DPP6: variants seen among roughly 807,000 people sequenced by gnomAD.
DPP6 encodes the protein A-type potassium channel modulatory protein DPP6.
Under a neutral mutation model 122.6 loss-of-function variants are expected in DPP6, and 69 were observed. That is an observed-to-expected ratio of 0.56 (90% confidence interval 0.46 to 0.69). The LOEUF is 0.69. DPP6 is among the 30% of genes least tolerant of loss of function. The pLI is 0.00. For synonymous variants in DPP6, 418 were observed against 433.1 expected, an observed-to-expected ratio of 0.97 and a Z score of 0.43; for missense variants, 928 against 1,116.9, an observed-to-expected ratio of 0.83 and a Z score of 2.41.
chr7:153,872,146 T>G, the DPP6 span, among the ~76,000 whole-genome samples: 1 of 152,230 alleles, frequency 6.6e-6, no homozygotes, highest in Non-Finnish European at 1.5e-5. Flanking sequence ...AGCAGTTTTT[T>G]TCCCAAGTGT....
At chr7:153,999,675 T>G (rs1185897845) in intron 1 of DPP6, among the ~76,000 whole-genome samples, 1 of 152,168 alleles carries the variant, frequency 6.6e-6, no homozygotes, top group Non-Finnish European at 1.5e-5. Context: ...TAAAAGAAAC[T>G]TGGCAGTGGG....
chr7:154,623,465 A>G (rs1834828044), intron 5 of DPP6, among the ~76,000 whole-genome samples: 1 of 152,198 alleles, frequency 6.6e-6, no homozygotes, highest in Non-Finnish European at 1.5e-5. Context: ...AAGACCTTGA[A>G]TATGATACTT....
intron 1 of DPP6, among the ~76,000 whole-genome samples, chr7:154,060,316 C>T (rs529895880): frequency 7.9e-6 from 1 of 126,100 alleles, no homozygotes; most frequent in East Asian, 2.3e-4. Context: ...GCTCTTAGGA[C>T]CCCCATCGCA....
At chr7:153,770,274 A>C in the DPP6 span, among the ~76,000 whole-genome samples, 5 of 152,208 alleles carry the variant, frequency 3.3e-5, no homozygotes, top group Admixed American at 3.3e-4. Context: ...ATCAGCAGTA[A>C]TATATTCTAG....
intron 1 of DPP6, among the ~76,000 whole-genome samples, chr7:153,997,342 A>G (rs1408321739): frequency 6.6e-6 from 1 of 152,158 alleles, no homozygotes; most frequent in Non-Finnish European, 1.5e-5. Flanking sequence ...CAAGCTGGGA[A>G]CCTTGTTACG....
At chr7:154,390,538 G>A (rs1266810459) in intron 1 of DPP6, among the ~76,000 whole-genome samples, 1 of 152,186 alleles carries the variant, frequency 6.6e-6, no homozygotes, top group Non-Finnish European at 1.5e-5. Flanking sequence ...GTTTTAAATA[G>A]ATGTCTCTGT....
the DPP6 span, among the ~76,000 whole-genome samples, chr7:153,858,787 G>A: frequency 6.6e-6 from 1 of 152,142 alleles, no homozygotes; most frequent in Non-Finnish European, 1.5e-5. Flanking sequence ...AGGAGCTACT[G>A]AATGTAAGGG....
chr7:153,898,472 G>T (rs1337461351), intron 1 of DPP6, among the ~76,000 whole-genome samples: 1 of 152,072 alleles, frequency 6.6e-6, no homozygotes, highest in Non-Finnish European at 1.5e-5. Context: ...ATAATAATTA[G>T]AAGAGAAGAT....
In DPP6 at chr7:154,760,700, G is replaced by A. The variant is rs1055854604; in HGVS notation, c.884-8717G>A. 3.9e-5 allele frequency among the ~76,000 whole-genome samples: 6 copies of A among 152,124 alleles called. No homozygotes were observed. The highest frequency in any genetic ancestry group is 1.4e-4 in the African/African-American group (6 of 41,410). ...ACCTGTTTGAGCGTGAGGCAGGTGA[G>A]CAGAAGACATCAGGCCCAGAAGTTC... On this transcript the variant is annotated intron_variant, in intron 8 of 25. Transcript: ENST00000377770. The surrounding 1 kb of genome is among the most constrained non-coding windows in gnomAD (Gnocchi z 4.5).
intron 7 of DPP6, among the ~76,000 whole-genome samples, chr7:154,716,138 G>A (rs771075327): frequency 1.3e-5 from 2 of 151,978 alleles, no homozygotes; most frequent in Non-Finnish European, 2.9e-5. Context: ...CCAGACTTCT[G>A]CCTCCCATCT....
At chr7:154,847,943 T>G (rs1181988433) in intron 16 of DPP6, among the ~76,000 whole-genome samples, 1 of 152,248 alleles carries the variant, frequency 6.6e-6, no homozygotes, top group Admixed American at 6.5e-5. Context: ...TATGCCTGGC[T>G]TATTTCACTT....
At chr7:154,423,936 G>A (rs1817686006) in intron 1 of DPP6, among the ~76,000 whole-genome samples, 1 of 152,200 alleles carries the variant, frequency 6.6e-6, no homozygotes, top group Non-Finnish European at 1.5e-5. Context: ...TACTGCCATA[G>A]ACTCTATAAA....
At chr7:153,928,703 C>T (rs1373961257) in intron 1 of DPP6, among the ~76,000 whole-genome samples, 1 of 152,072 alleles carries the variant, frequency 6.6e-6, no homozygotes, top group Non-Finnish European at 1.5e-5. Flanking sequence ...CTTTTAATAC[C>T]ATCACGTTGG....
At chr7:154,099,820 TG>T (rs1805605774) in intron 1 of DPP6, among the ~76,000 whole-genome samples, 1 of 131,866 alleles carries the variant, frequency 7.6e-6, no homozygotes, top group Admixed American at 7.7e-5. Context: ...CTGGGATGAA[TG>T]GTTGTTGGTG....
At chr7:154,158,721 A>G (rs2150702867) in intron 1 of DPP6, among the ~76,000 whole-genome samples, 1 of 152,150 alleles carries the variant, frequency 6.6e-6, no homozygotes, top group Admixed American at 6.5e-5. Context: ...GAGCTTGTCC[A>G]CTAGCAGGTG....
intron 1 of DPP6, among the ~76,000 whole-genome samples, chr7:154,065,472 C>G (rs2073667170): frequency 6.6e-6 from 1 of 151,624 alleles, no homozygotes; most frequent in African/African-American, 2.4e-5. Flanking sequence ...ACAGGAAGGG[C>G]CCAAGGAAAA....
intron 1 of DPP6, among the ~76,000 whole-genome samples, chr7:154,060,648 C>T (rs1403758535): frequency 7.2e-6 from 1 of 139,088 alleles, no homozygotes; most frequent in African/African-American, 2.6e-5. Flanking sequence ...GGGGGAGGCA[C>T]CCCCCACGAG....
At chr7:153,863,258 A>G in the DPP6 span, among the ~76,000 whole-genome samples, 9 of 152,194 alleles carry the variant, frequency 5.9e-5, no homozygotes, top group African/African-American at 4.8e-5. Flanking sequence ...TGCAAAGGAC[A>G]TGAACTCATC....
chr7:154,826,748 C>T (rs880081), intron 16 of DPP6, among the ~76,000 whole-genome samples: 119,902 of 152,148 alleles, frequency 0.79, 47,403 homozygotes, highest in Non-Finnish European at 0.82. Context: ...AGGCCTGCAG[C>T]TTTTTCTCTT....
Sources: allele counts gnomAD v4.1 joint callset (sites outside exome capture counted in the v4.1 genomes callset), GRCh38; gene constraint gnomAD v4.1.1; non-coding constraint Gnocchi (gnomAD v3.1); transcripts MANE v1.5; gene names NCBI Gene and HGNC (gene_info 2026-07-23, HGNC 2026-07-21).